ADAMDEC1: variants seen among roughly 807,000 people sequenced by gnomAD.
ADAMDEC1 encodes ADAM DEC1.
In ADAMDEC1, 62 loss-of-function variants were observed where a neutral mutation model predicts 60.4. The observed-to-expected ratio is 1.03, with a 90% CI of 0.84 to 1.27. The LOEUF (loss-of-function observed/expected upper bound fraction) is 1.27, where lower values mean the gene tolerates loss of function less well. Among genes scored for constraint, ADAMDEC1 ranks in the 50% most tolerant of loss-of-function variants. The pLI is 0.00. For synonymous variants in ADAMDEC1, 210 were observed against 195.1 expected, an observed-to-expected ratio of 1.08 and a Z score of -0.64; for missense variants, 595 against 565.0, an observed-to-expected ratio of 1.05 and a Z score of -0.54.
intron 1 of ADAMDEC1, among the ~76,000 whole-genome samples, chr8:24,390,963 T>C (rs1051037838): frequency 2.0e-5 from 3 of 152,144 alleles, no homozygotes; most frequent in Admixed American, 1.3e-4. Flanking sequence ...AGTGCTAACG[T>C]TGGGACTAGA....
At position 24,395,719 on chromosome 8, in the gene ADAMDEC1, G is replaced by C; in HGVS notation, c.364-1G>C. On this transcript the variant is annotated splice_acceptor_variant, in intron 4 of 13. Coordinates refer to ENST00000256412, the MANE Select transcript of ADAMDEC1 (RefSeq NM_014479.3). LOFTEE classifies it high-confidence loss of function. ...AGCATAATTTCTTTTTTCCACTCCA[G>C]GAACACTGTTACTATAAAGGAAACA... The C allele has an allele frequency of 6.2e-7, 1 of 1,610,374 alleles. No individual in the cohort carries two copies. Among genetic ancestry groups the C allele is most frequent in the Non-Finnish European group, 8.5e-7 (1 of 1,177,754 alleles).
Position 24,384,344 on chromosome 8 carries a change from C to A in ADAMDEC1, c.-161C>A. The A allele has an allele frequency of 1.7e-6, 1 of 592,862 alleles. No homozygotes were observed. Among genetic ancestry groups the A allele is most frequent in the Non-Finnish European group, 2.9e-6 (1 of 339,856 alleles). The allele number at this position is 592,862 out of a possible 1,614,324, so 36.7% of individuals were successfully genotyped here. A position where few individuals can be genotyped will look rare whatever the true frequency, so the allele number is the denominator to read the frequency against. On this transcript the variant is annotated 5_prime_UTR_variant, in exon 1 of 14. Coordinates refer to ENST00000256412, the MANE Select transcript of ADAMDEC1 (RefSeq NM_014479.3). ...ATAAATATCTCTCAAAGATGAGGAA[C>A]ATTCTCATGATGTTGACACTGCAAT...
intron 11 of ADAMDEC1, among the ~76,000 whole-genome samples, chr8:24,401,273 T>C (rs1171143506): frequency 1.3e-5 from 2 of 152,250 alleles, no homozygotes; most frequent in East Asian, 1.9e-4. Context: ...GACCTTATAA[T>C]TTTAACTTAA....
rs7018313 is a variant in ADAMDEC1, at chr8:24,398,969, G to A, written c.858G>A (p.Thr286=). The part of the protein sequence containing the change: ...KIKVVPSAST[T]FDNFLRWHSS... Reference sequence around the variant, plus strand: ...AGGTGGTGCCCAGCGCAAGCACCACGTTTGACAACTTCCTGAGATGGCACA... The same window carrying A: ...AGGTGGTGCCCAGCGCAAGCACCACATTTGACAACTTCCTGAGATGGCACA... The change falls in exon 9 of 14, where the codon ACG becomes ACA. Residue 286 remains threonine, a synonymous_variant. Transcript: ENST00000256412. The A allele has an allele frequency of 1.3e-4, 204 of 1,613,824 alleles. No homozygotes were observed. The African/African-American group carries it at 2.1e-3, about 16-fold the overall frequency.
intron 4 of ADAMDEC1, among the ~76,000 whole-genome samples, chr8:24,394,745 A>G (rs1188141442): frequency 1.3e-5 from 2 of 152,166 alleles, no homozygotes; most frequent in African/African-American, 4.8e-5. Flanking sequence ...TCTATATAAA[A>G]AAAAAGACTT....
intron 13 of ADAMDEC1, among the ~76,000 whole-genome samples, chr8:24,404,730 A>G (rs779152398): frequency 2.0e-5 from 3 of 152,188 alleles, no homozygotes; most frequent in South Asian, 2.1e-4. Context: ...CTCTTTCCCA[A>G]TTCTTTTCTG....
chr8:24,399,087 C>A (rs757053361), intron 9 of ADAMDEC1, 47 bp downstream of exon 9: 1 of 1,564,372 alleles, frequency 6.4e-7, no homozygotes, highest in Non-Finnish European at 8.7e-7. Flanking sequence ...GGATAGCTAT[C>A]CCCAGGGTTC....
chr8:24,395,846 C>G lies in ADAMDEC1; in HGVS notation c.440+50C>G, dbSNP rs561245669. On this transcript the variant is annotated intron_variant, in intron 5 of 13. Transcript: ENST00000256412. Reference sequence around the variant, plus strand: ...CAAGATCAAGAAGCTTTTTGTTACACAGAATTAAGGGCTACTAGATATTGT... The same window carrying G: ...CAAGATCAAGAAGCTTTTTGTTACAGAGAATTAAGGGCTACTAGATATTGT... The G allele has an allele frequency of 2.3e-5, 32 of 1,396,432 alleles. No homozygotes were observed. The East Asian group carries it at 5.3e-4, about 23-fold the overall frequency. 86.5% of individuals were successfully genotyped at this position (1,396,432 alleles called of 1,614,324 possible). A position where few individuals can be genotyped will look rare whatever the true frequency, so the allele number is the denominator to read the frequency against.
At chr8:24,389,495 C>A (rs1817382627) in intron 1 of ADAMDEC1, among the ~76,000 whole-genome samples, 1 of 152,130 alleles carries the variant, frequency 6.6e-6, no homozygotes, top group South Asian at 2.1e-4. Flanking sequence ...CCTAAATGAG[C>A]TCTCTGATTC....
intron 1 of ADAMDEC1, among the ~76,000 whole-genome samples, chr8:24,391,176 T>C (rs962493826): frequency 5.3e-5 from 8 of 152,172 alleles, no homozygotes; most frequent in Admixed American, 2.6e-4. Flanking sequence ...CCTTTCATTT[T>C]CCGTATCAGC....
chr8:24,403,154 C>T (rs980728646), intron 12 of ADAMDEC1, among the ~76,000 whole-genome samples: 1 of 151,994 alleles, frequency 6.6e-6, no homozygotes, highest in African/African-American at 2.4e-5. Context: ...TCAGTCAACT[C>T]TTGTATTATT....
intron 6 of ADAMDEC1, 44 bp downstream of exon 6, chr8:24,397,500 A>C: frequency 1.3e-6 from 2 of 1,597,928 alleles, no homozygotes; most frequent in Non-Finnish European, 1.7e-6. Flanking sequence ...CAATTGTCTC[A>C]GCAAAGATAG....
In ADAMDEC1 at chr8:24,397,721, C is replaced by T; in HGVS notation, c.666C>T (p.Leu222=). The change falls in exon 7 of 14, where the codon CTC becomes CTT. Residue 222 remains leucine, a synonymous_variant. Coordinates refer to ENST00000256412, the MANE Select transcript of ADAMDEC1 (RefSeq NM_014479.3). ...DFLRAQKYID[L]YLVLDNAFYK... is the part of the protein sequence containing the mutation. ...TTCGGGCACAGAAATACATTGATCT[C>T]TATTTGGTGCTGGATAATGCCTTTG... 1 of 1,613,584 alleles carries T rather than the reference C, an allele frequency of 6.2e-7. No individual in the cohort carries two copies. The highest frequency in any genetic ancestry group is 8.5e-7 in the Non-Finnish European group (1 of 1,179,724).
At position 24,393,354 on chromosome 8, in the gene ADAMDEC1, TA is replaced by T; in HGVS notation, c.284+20del. On this transcript the variant is annotated intron_variant, in intron 3 of 13. Transcript: ENST00000256412. ...AAAAAACCAAGTAAGTTGTACCTCC[TA>T]AAAGTCTAATCACTGGATTAGGTTA... 1 of 1,527,068 alleles carries T rather than the reference TA, an allele frequency of 6.5e-7. No individual in the cohort carries two copies. The highest frequency in any genetic ancestry group is 9.0e-7 in the Non-Finnish European group (1 of 1,110,320). 94.6% of individuals were successfully genotyped at this position (1,527,068 alleles called of 1,614,324 possible). A position where few individuals can be genotyped will look rare whatever the true frequency, so the allele number is the denominator to read the frequency against.
rs1817828101 is a variant in ADAMDEC1 at position 24,404,004 on chromosome 8, A to C, written c.1322A>C (p.Glu441Ala). 1 of 1,612,944 alleles carries C rather than the reference A, an allele frequency of 6.2e-7. No homozygotes were observed. Among genetic ancestry groups the C allele is most frequent in the Non-Finnish European group, 8.5e-7 (1 of 1,179,314 alleles). The change falls in exon 13 of 14, where the codon GAG (glutamate) becomes GCG (alanine). Residue 441 changes from glutamate to alanine, a missense_variant and splice_region_variant. Glu to Ala is a moderately radical substitution (Grantham distance 107). Coordinates refer to ENST00000256412, the MANE Select transcript of ADAMDEC1 (RefSeq NM_014479.3). ...TTCCATTGTGTGTGTGCTTTGAAGG[A>C]GTGTACCAATCTCTGCTGTGAAGCC... ...GEDCDCGSPKECTNLCCEALT... is the reference protein window; with the variant it reads ...GEDCDCGSPKACTNLCCEALT...
At chr8:24,398,456 T>A in intron 7 of ADAMDEC1, 24 bp from the exon 8 acceptor site, 1 of 1,414,898 alleles carries the variant, frequency 7.1e-7, no homozygotes, top group Non-Finnish European at 9.9e-7. Context: ...TATTTCACTA[T>A]ACTTTGTGTT....
chr8:24,404,584 C>CCTAT (rs1730213380), intron 13 of ADAMDEC1, among the ~76,000 whole-genome samples: 1 of 152,102 alleles, frequency 6.6e-6, no homozygotes, highest in African/African-American at 2.4e-5. Context: ...CTTATACAAT[C>CCTAT]CTATGTGAGC....
At chr8:24,389,993 C>T (rs949934948) in intron 1 of ADAMDEC1, 3 of 315,186 alleles carry the variant, frequency 9.5e-6, no homozygotes, top group African/African-American at 6.5e-5. Context: ...TATCATCTTC[C>T]AACCTGTAAA....
At chr8:24,404,177 C>G in intron 13 of ADAMDEC1, 89 bp downstream of exon 13, 1 of 1,083,584 alleles carries the variant, frequency 9.2e-7, no homozygotes, top group Non-Finnish European at 1.4e-6. Flanking sequence ...CCATAATACA[C>G]TAAAACACAA....
Sources: gnomAD v4.1 joint callset for allele counts (sites outside exome capture counted in the v4.1 genomes callset) on GRCh38, gnomAD v4.1.1 for gene constraint, MANE v1.5 for transcripts, NCBI Gene and HGNC (gene_info 2026-07-23, HGNC 2026-07-21) for gene names.